TNRC6C: variants seen among roughly 807,000 people sequenced by gnomAD.
The protein encoded by TNRC6C is trinucleotide repeat containing adaptor 6C, also known as trinucleotide repeat-containing gene 6C protein.
Under a neutral mutation model 153.7 loss-of-function variants are expected in TNRC6C, and 20 were observed. The ratio of observed to expected loss-of-function variants is 0.13; its 90% CI spans 0.09 to 0.19. The LOEUF is 0.19. Ranked by LOEUF, TNRC6C falls within the 10% of genes least tolerant of loss-of-function variation. The pLI is 1.00. For synonymous variants in TNRC6C, 811 were observed against 841.4 expected (o/e 0.96, Z 0.63); for missense variants, 1,987 against 2,172.0 (o/e 0.91, Z 1.69).
intron 2 of TNRC6C, among the ~76,000 whole-genome samples, chr17:78,039,309 GC>G (rs11306576): frequency 0.69 from 78,517 of 113,266 alleles, 25,899 homozygotes; most frequent in Middle Eastern, 0.84. Flanking sequence ...TTCAAATCTT[GC>G]CCCCCCCCCC....
chr17:78,050,556 G>C, exon 3 of TNRC6C: 1 of 1,613,124 alleles, frequency 6.2e-7, no homozygotes. Context: ...GGTCCATCAT[G>C]AACAGTACAA....
intron 1 of TNRC6C, among the ~76,000 whole-genome samples, chr17:77,997,589 C>T (rs752443372): frequency 2.6e-5 from 4 of 152,136 alleles, no homozygotes; most frequent in South Asian, 2.1e-4. Context: ...CAGGGTGGAG[C>T]GGAGGCATGA....
At chr17:78,059,846 C>CAAAAA (rs762507955) in intron 3 of TNRC6C, among the ~76,000 whole-genome samples, 1 of 77,714 alleles carries the variant, frequency 1.3e-5, no homozygotes, top group Non-Finnish European at 2.8e-5. Context: ...GACCCTGTCT[C>CAAAAA]AAAAAAAAAA....
chr17:78,034,470 A>G (rs1265434095), intron 2 of TNRC6C, among the ~76,000 whole-genome samples: 3 of 149,404 alleles, frequency 2.0e-5, no homozygotes, highest in Non-Finnish European at 4.5e-5. Flanking sequence ...TGCCCCCCCA[A>G]CCCCCACTTT....
In TNRC6C at chr17:78,043,408, T is replaced by G. The variant is rs1179460190; in HGVS notation, c.-218-5437T>G. 2.0e-5 allele frequency among the ~76,000 whole-genome samples: 3 copies of G among 152,226 alleles called. No homozygotes were observed. In the East Asian group the frequency reaches 5.8e-4, roughly 29 times the overall value. ...TAGCATTGTTCCAAATTGACTTCTA[T>G]AGTAAAACATATTTTTTATAATTTT... On this transcript the variant is annotated intron_variant, in intron 2 of 19. Coordinates refer to ENST00000301624, the Ensembl canonical transcript of TNRC6C.
intron 3 of TNRC6C, among the ~76,000 whole-genome samples, chr17:78,060,535 C>T (rs1461010065): frequency 4.8e-5 from 7 of 146,330 alleles, no homozygotes; most frequent in Admixed American, 1.4e-4. Flanking sequence ...TGCAGTGGCA[C>T]GATCTCAGCT....
intron 1 of TNRC6C, among the ~76,000 whole-genome samples, chr17:77,971,737 T>C (rs995521658): frequency 1.3e-5 from 2 of 152,038 alleles, no homozygotes; most frequent in Admixed American, 1.3e-4. Context: ...CTCAAAAACT[T>C]TGGAGTCCCC....
At chr17:77,958,893 C>T (rs1014102960), upstream of TNRC6C, among the ~76,000 whole-genome samples, 143 of 146,698 alleles carry the variant, frequency 9.7e-4, no homozygotes, top group Middle Eastern at 3.5e-3. Context: ...CGGGCCCGCC[C>T]GAGCCGGAGG....
At chr17:78,000,269 A>G (rs545797164), upstream of TNRC6C, among the ~76,000 whole-genome samples, 2 of 152,306 alleles carry the variant, frequency 1.3e-5, no homozygotes, top group South Asian at 2.1e-4. Flanking sequence ...TCCATAGTCT[A>G]TATAGAGTAT....
At chr17:78,066,086 C>G (rs1201971843) in intron 4 of TNRC6C, among the ~76,000 whole-genome samples, 2 of 152,062 alleles carry the variant, frequency 1.3e-5, no homozygotes, top group Non-Finnish European at 2.9e-5. Flanking sequence ...CAAAAATTAG[C>G]TGGACATAGT....
chr17:77,974,852 T>C (rs957750309), intron 1 of TNRC6C, among the ~76,000 whole-genome samples: 7 of 152,230 alleles, frequency 4.6e-5, no homozygotes, highest in African/African-American at 1.7e-4. Context: ...AAAGAGGCAG[T>C]GTGACTTGCC....
intron 2 of TNRC6C, 40 bp downstream of exon 4, chr17:78,031,882 A>C: frequency 8.1e-7 from 1 of 1,231,714 alleles, no homozygotes; most frequent in Non-Finnish European, 1.0e-6. Context: ...TTGATCTGAA[A>C]ACTTTGCTAT....
chr17:78,002,021 T>A (rs1253974194), upstream of TNRC6C, among the ~76,000 whole-genome samples: 1 of 152,206 alleles, frequency 6.6e-6, no homozygotes, highest in African/African-American at 2.4e-5. Context: ...GCTTCTTGAC[T>A]TATAAATTTA....
In TNRC6C at chr17:78,014,482, A is replaced by G. The variant is rs138278946; in HGVS notation, c.-546+9403A>G. Reference sequence around the variant, plus strand: ...AGCCTGTTGTTTAAAAAGAACTTAGATGTGCTTGCATATATGATACATAGT... The same window carrying G: ...AGCCTGTTGTTTAAAAAGAACTTAGGTGTGCTTGCATATATGATACATAGT... On this transcript the variant is annotated intron_variant, in intron 1 of 19. Coordinates refer to ENST00000301624, the Ensembl canonical transcript of TNRC6C. Among the ~76,000 whole-genome samples the G allele has an allele frequency of 1.1e-3, 161 of 152,126 alleles. 1 individual carries two copies. The highest frequency in any genetic ancestry group is 3.5e-3 in the African/African-American group (147 of 41,474).
chr17:78,104,563 G>A lies in TNRC6C; in HGVS notation c.4791G>A (p.Gln1597=). The change falls in exon 20 of 20, where the codon CAG becomes CAA. Residue 1597 remains glutamine, a synonymous_variant. Transcript: ENST00000301624. The surrounding 1 kb of genome is among the most constrained non-coding windows in gnomAD (Gnocchi z 6.2). ...TGAATCGCTTCTTAGCCCAAGGCCAGGCGCTGCCACCCACTTCCAGCTGGC... is the reference window on the plus strand; with the variant it reads ...TGAATCGCTTCTTAGCCCAAGGCCAAGCGCTGCCACCCACTTCCAGCTGGC... The A allele has an allele frequency of 1.9e-6, 3 of 1,552,378 alleles. No individual in the cohort carries two copies. Among genetic ancestry groups the A allele is most frequent in the East Asian group, 2.4e-5 (1 of 41,152 alleles).
At chr17:78,053,489 C>T (rs1196672241) in intron 3 of TNRC6C, among the ~76,000 whole-genome samples, 1 of 151,870 alleles carries the variant, frequency 6.6e-6, no homozygotes, top group Non-Finnish European at 1.5e-5. Context: ...ATTAGCCGGG[C>T]ATGGTGGCGC....
At chr17:77,985,969 T>C (rs904633466) in intron 1 of TNRC6C, among the ~76,000 whole-genome samples, 7 of 152,208 alleles carry the variant, frequency 4.6e-5, no homozygotes, top group African/African-American at 1.7e-4. Flanking sequence ...AAAAAATTAT[T>C]TGATGCAGTA....
At chr17:78,040,709 C>T (rs1361919183) in intron 2 of TNRC6C, among the ~76,000 whole-genome samples, 1 of 152,190 alleles carries the variant, frequency 6.6e-6, no homozygotes, top group Non-Finnish European at 1.5e-5. Context: ...GGCTGTGATG[C>T]TAATTGTAAC....
At chr17:77,966,611 A>T (rs1469033981) in intron 1 of TNRC6C, among the ~76,000 whole-genome samples, 1 of 152,194 alleles carries the variant, frequency 6.6e-6, no homozygotes, top group Non-Finnish European at 1.5e-5. Context: ...TTAGATGCTG[A>T]TGGGGAAAGA....
Sources: gnomAD v4.1 joint callset for allele counts (sites outside exome capture counted in the v4.1 genomes callset) on GRCh38, gnomAD v4.1.1 for gene constraint, Gnocchi (gnomAD v3.1) non-coding constraint, MANE v1.5 for transcripts, NCBI Gene and HGNC (gene_info 2026-07-23, HGNC 2026-07-21) for gene names.